Variants in ANGPTL5 observed in about 807,000 individuals in gnomAD.
The protein encoded by ANGPTL5 is angiopoietin-related protein 5.
ANGPTL5 carries 34 observed loss-of-function variants against 39.4 expected under a neutral mutation model. That is an observed-to-expected ratio of 0.86 (90% CI 0.66 to 1.15). The LOEUF (loss-of-function observed/expected upper bound fraction) is 1.15. Ranked by LOEUF, ANGPTL5 falls within the 50% of genes most tolerant of loss-of-function variation. ANGPTL5 has a pLI of 0.00. For missense variants in ANGPTL5, 467 were observed against 457.5 expected (o/e 1.02, Z -0.19); for synonymous variants, 146 against 152.1 (o/e 0.96, Z 0.29).
chr11:101,903,890 T>G (rs1939952074), intron 5 of ANGPTL5, among the ~76,000 whole-genome samples: 1 of 111,912 alleles, frequency 8.9e-6, no homozygotes, highest in African/African-American at 3.2e-5. Flanking sequence ...GGCATTTTTT[T>G]TATTTCCTTG....
At chr11:101,914,466 G>T (rs1037885406) in intron 1 of ANGPTL5, among the ~76,000 whole-genome samples, 1 of 152,202 alleles carries the variant, frequency 6.6e-6, no homozygotes, top group Non-Finnish European at 1.5e-5. Context: ...AGCAATGCGA[G>T]AACCATTAGG....
At chr11:101,914,180 T>C (rs1340743741) in intron 1 of ANGPTL5, among the ~76,000 whole-genome samples, 1 of 152,226 alleles carries the variant, frequency 6.6e-6, no homozygotes, top group Non-Finnish European at 1.5e-5. Context: ...GAATAATCTT[T>C]ATTTGGTCTG....
At chr11:101,903,266 G>C (rs1370824055) in intron 5 of ANGPTL5, among the ~76,000 whole-genome samples, 3 of 152,134 alleles carry the variant, frequency 2.0e-5, no homozygotes, top group Non-Finnish European at 4.4e-5. Context: ...CCTGATGTTA[G>C]AGCCTACTCT....
At chr11:101,892,779 C>G (rs1939725821) in intron 8 of ANGPTL5, among the ~76,000 whole-genome samples, 3 of 152,152 alleles carry the variant, frequency 2.0e-5, no homozygotes. Context: ...AAACCAAGCT[C>G]TATGTTTGTT....
intron 7 of ANGPTL5, 25 bp downstream of exon 7, chr11:101,900,405 A>G (rs1467351185): frequency 6.2e-7 from 1 of 1,605,778 alleles, no homozygotes; most frequent in Admixed American, 1.7e-5. Flanking sequence ...TAAACAATGT[A>G]GAGTAGAAAT....
chr11:101,904,695 C>A, intron 5 of ANGPTL5, 119 bp downstream of exon 5: 1 of 862,494 alleles, frequency 1.2e-6, no homozygotes, highest in South Asian at 1.4e-5. Flanking sequence ...GCCCTCCAGT[C>A]TGTTAGAGAA....
intron 7 of ANGPTL5, among the ~76,000 whole-genome samples, chr11:101,895,488 A>G (rs1481835104): frequency 3.9e-5 from 6 of 152,234 alleles, no homozygotes; most frequent in Admixed American, 2.0e-4. Flanking sequence ...AGTAAATGAG[A>G]AGGTTTAACC....
At chr11:101,901,994 A>G (rs1406146215) in intron 6 of ANGPTL5, among the ~76,000 whole-genome samples, 1 of 151,930 alleles carries the variant, frequency 6.6e-6, no homozygotes, top group Non-Finnish European at 1.5e-5. Flanking sequence ...TATTCCATCA[A>G]TATGCATAGT....
At chr11:101,910,911 A>T (rs912236952) in intron 1 of ANGPTL5, among the ~76,000 whole-genome samples, 6 of 151,944 alleles carry the variant, frequency 3.9e-5, no homozygotes, top group African/African-American at 1.2e-4. Flanking sequence ...AGGTTCAATA[A>T]AATTGTGTTA....
chr11:101,897,839 C>T (rs1939827086), intron 7 of ANGPTL5, among the ~76,000 whole-genome samples: 3 of 152,146 alleles, frequency 2.0e-5, no homozygotes, highest in South Asian at 2.1e-4. Flanking sequence ...ACTATACAGG[C>T]TCTTTTTTGG....
chr11:101,905,545 C>G (rs1939983866), intron 4 of ANGPTL5, among the ~76,000 whole-genome samples, 199 bp downstream of exon 4: 1 of 152,186 alleles, frequency 6.6e-6, no homozygotes, highest in East Asian at 1.9e-4. Flanking sequence ...TTTTAATGCT[C>G]CACTAGACCA....
At chr11:101,907,390 T>C (rs1477790253) in intron 2 of ANGPTL5, 143 bp from the exon 3 acceptor site, 5 of 564,136 alleles carry the variant, frequency 8.9e-6, no homozygotes, top group African/African-American at 2.0e-5. Context: ...AGCTATTTAA[T>C]TCAAACTTCC....
intron 8 of ANGPTL5, among the ~76,000 whole-genome samples, chr11:101,893,103 A>G (rs1939730596): frequency 6.6e-6 from 1 of 152,248 alleles, no homozygotes; most frequent in South Asian, 2.1e-4. Flanking sequence ...AGGATCATAT[A>G]GCACATAAGC....
intron 1 of ANGPTL5, among the ~76,000 whole-genome samples, chr11:101,910,996 T>C (rs1940082689): frequency 6.8e-6 from 1 of 147,190 alleles, no homozygotes; most frequent in Admixed American, 6.9e-5. Flanking sequence ...TTGCATACAA[T>C]ACAAGTCGCC....
chr11:101,892,202 A>G (rs1218271062), intron 8 of ANGPTL5, among the ~76,000 whole-genome samples: 1 of 152,064 alleles, frequency 6.6e-6, no homozygotes, highest in African/African-American at 2.4e-5. Flanking sequence ...CCGTTTTTAA[A>G]GGGCTTCTAC....
chr11:101,898,520 C>T (rs61916018), intron 7 of ANGPTL5, among the ~76,000 whole-genome samples: 15,541 of 152,166 alleles, frequency 0.1, 1,010 homozygotes, highest in South Asian at 0.15. Context: ...GCTGAAGTTG[C>T]TTATCAGTTT....
Position 101,915,180 on chromosome 11 carries a change from C to G in ANGPTL5, c.-93+839G>C. 2.6e-6 allele frequency: 4 copies of G among 1,523,654 alleles called. No individual in the cohort carries two copies. The South Asian group carries it at 3.7e-5, about 14-fold the overall frequency. The allele number at this position is 1,523,654 out of a possible 1,614,324, so 94.4% of individuals were successfully genotyped here. On this transcript the variant is annotated intron_variant, in intron 1 of 8. Coordinates refer to ENST00000334289, the MANE Select transcript of ANGPTL5 (RefSeq NM_178127.5). ...CCCTTCCGCGCCCGTGACGCGGGGC[C>G]TGAGAGACGGAGTGTAGGGAGGGGC...
chr11:101,905,664 T>A, intron 4 of ANGPTL5, 80 bp downstream of exon 4: 1 of 1,015,466 alleles, frequency 9.8e-7, no homozygotes. Context: ...ATGAATGCAT[T>A]TTAAAAAAAG....
In ANGPTL5 at chr11:101,900,526, C is replaced by T. The variant is rs1191406006; in HGVS notation, c.565G>A (p.Gly189Arg). Residue 189 changes from glycine to arginine, a missense_variant, in exon 7 of 9, where the codon GGA becomes AGA. Transcript: ENST00000334289. Reference sequence around the variant, plus strand: ...TTCTGTATCACAGTCCGTCCACCTCCTCTGTAATCCATGTCACACATTACC... The same window carrying T: ...TTCTGTATCACAGTCCGTCCACCTCTTCTGTAATCCATGTCACACATTACC... The part of the protein sequence containing the change: ...FEVMCDMDYR[G>R]GGRTVIQKRI... 1.2e-6 allele frequency: 2 copies of T among 1,611,208 alleles called. No homozygotes were observed. Among genetic ancestry groups the T allele is most frequent in the Admixed American group, 1.7e-5 (1 of 60,006 alleles).
Sources: allele counts gnomAD v4.1 joint callset (sites outside exome capture counted in the v4.1 genomes callset), GRCh38; gene constraint gnomAD v4.1.1; transcripts MANE v1.5; gene names NCBI Gene and HGNC (gene_info 2026-07-23, HGNC 2026-07-21).